Variants in SAP130 observed in about 807,000 individuals in gnomAD.
The protein encoded by SAP130 is Sin3A associated protein 130, also known as histone deacetylase complex subunit SAP130.
A neutral mutation model predicts 103.2 loss-of-function variants in SAP130; 16 were observed. The ratio of observed to expected loss-of-function variants is 0.16; its 90% CI spans 0.10 to 0.24. SAP130 has a LOEUF of 0.24. SAP130 is among the 10% of genes least tolerant of loss of function. SAP130 has a pLI of 1.00. For missense variants in SAP130, 990 were observed against 1,359.7 expected, an observed-to-expected ratio of 0.73 and a Z score of 4.28; for synonymous variants, 477 against 497.0, an observed-to-expected ratio of 0.96 and a Z score of 0.53.
intron 15 of SAP130, among the ~76,000 whole-genome samples, chr2:127,957,332 GA>G (rs962749714): frequency 1.3e-5 from 2 of 151,286 alleles, no homozygotes; most frequent in African/African-American, 4.9e-5. Context: ...GCTGAAAGGG[GA>G]AAAAAAAGAA....
intron 1 of SAP130, chr2:128,026,983 G>A (rs1685545852): frequency 1.9e-6 from 2 of 1,069,476 alleles, no homozygotes; most frequent in Non-Finnish European, 2.5e-6. Context: ...TGAGACCGGA[G>A]GACGCCGGTT....
chr2:127,971,172 C>T lies in SAP130; in HGVS notation c.2063+6813G>A, dbSNP rs116741374. 5.4e-3 allele frequency among the ~76,000 whole-genome samples: 823 copies of T among 151,958 alleles called. 8 individuals are homozygous for T. Among genetic ancestry groups the T allele is most frequent in the African/African-American group, 0.019 (779 of 41,430 alleles). On this transcript the variant is annotated intron_variant, in intron 15 of 20. Coordinates refer to ENST00000643581, the MANE Select transcript of SAP130 (RefSeq NM_001330301.2). Reference sequence around the variant, plus strand: ...TTCGCCATATTGCCCAGGCTGATATCGAACCCCCGGGCTCCCCCCATCTGT... The same window carrying T: ...TTCGCCATATTGCCCAGGCTGATATTGAACCCCCGGGCTCCCCCCATCTGT...
intron 9 of SAP130, 63 bp from the exon 10 acceptor site, chr2:127,999,908 C>T: frequency 2.1e-6 from 3 of 1,449,688 alleles, no homozygotes; most frequent in South Asian, 2.6e-5. Context: ...TACAGATTCT[C>T]AAAAACCTGG....
At chr2:127,999,913 A>T in intron 9 of SAP130, 68 bp from the exon 10 acceptor site, 1 of 1,440,400 alleles carries the variant, frequency 6.9e-7, no homozygotes, top group Non-Finnish European at 9.5e-7. Context: ...ATTCTCAAAA[A>T]CCTGGGAAAT....
chr2:128,009,259 CAGG>C (rs1183982836), intron 7 of SAP130, among the ~76,000 whole-genome samples: 1 of 152,036 alleles, frequency 6.6e-6, no homozygotes, highest in Non-Finnish European at 1.5e-5. Flanking sequence ...CACTTGAGCC[CAGG>C]AGTTCACGAC....
intron 15 of SAP130, among the ~76,000 whole-genome samples, chr2:127,964,424 G>A (rs894070617): frequency 1.3e-5 from 2 of 149,846 alleles, no homozygotes; most frequent in Admixed American, 6.7e-5. Flanking sequence ...AATCCAGGAG[G>A]TGGAGTTTGC....
chr2:128,023,414 A>G (rs1225039996), intron 2 of SAP130, among the ~76,000 whole-genome samples: 3 of 152,186 alleles, frequency 2.0e-5, no homozygotes, highest in Non-Finnish European at 4.4e-5. Context: ...TGGTGCTGGG[A>G]TAACAGGCAT....
chr2:128,012,382 A>C (rs1032462292), intron 6 of SAP130, among the ~76,000 whole-genome samples: 4 of 152,108 alleles, frequency 2.6e-5, no homozygotes, highest in Non-Finnish European at 5.9e-5. Flanking sequence ...AGGCAGGAGA[A>C]TCGCTTGAAC....
chr2:127,981,862 C>T (rs535905990), intron 14 of SAP130, among the ~76,000 whole-genome samples: 7 of 152,174 alleles, frequency 4.6e-5, no homozygotes, highest in African/African-American at 1.4e-4. Context: ...TCCCCGACCC[C>T]GACCCAGTTC....
At chr2:127,952,788 A>G (rs1424581725) in intron 16 of SAP130, among the ~76,000 whole-genome samples, 1 of 152,082 alleles carries the variant, frequency 6.6e-6, no homozygotes, top group African/African-American at 2.4e-5. Context: ...ACTATAAGTG[A>G]TATTCCTACC....
chr2:127,958,803 T>TA (rs1680031455), intron 15 of SAP130, among the ~76,000 whole-genome samples: 1 of 152,060 alleles, frequency 6.6e-6, no homozygotes, highest in African/African-American at 2.4e-5. Flanking sequence ...GGACTAAAGG[T>TA]ATGTGCCACC....
chr2:127,981,511 T>C lies in SAP130; in HGVS notation c.1959-3422A>G, dbSNP rs58481482. Among the ~76,000 whole-genome samples, 152 of 23,572 alleles carry C rather than the reference T, an allele frequency of 6.4e-3. 1 individual carries two copies. The highest frequency in any genetic ancestry group is 6.9e-3 in the East Asian group (5 of 726). The allele number at this position is 23,572 out of a possible 152,430, so 15.5% of individuals were successfully genotyped here. A position where few individuals can be genotyped will look rare whatever the true frequency, so the allele number is the denominator to read the frequency against. On this transcript the variant is annotated intron_variant, in intron 14 of 20. Coordinates refer to ENST00000643581, the MANE Select transcript of SAP130 (RefSeq NM_001330301.2). ...GCTCCCTCACCCCGACCCAGTCCTC[T>C]TGCACCCCTGACTCAGTTCCCCCAC...
At chr2:127,998,102 C>T (rs1683296053) in intron 10 of SAP130, among the ~76,000 whole-genome samples, 1 of 145,094 alleles carries the variant, frequency 6.9e-6, no homozygotes, top group Non-Finnish European at 1.5e-5. Context: ...AGTGAGACTC[C>T]ATCTCAAAAA....
chr2:127,979,989 C>G (rs374497129), intron 14 of SAP130, among the ~76,000 whole-genome samples: 1 of 151,660 alleles, frequency 6.6e-6, no homozygotes, highest in South Asian at 2.1e-4. Flanking sequence ...GTGATTCTCC[C>G]GCCTCAGCCT....
At position 128,014,912 on chromosome 2, in the gene SAP130, G is replaced by A; in HGVS notation, c.510C>T (p.Gly170=). The change falls in exon 5 of 21, where the codon GGC becomes GGT. Residue 170 remains glycine, a splice_region_variant and synonymous_variant. Coordinates refer to ENST00000643581, the MANE Select transcript of SAP130 (RefSeq NM_001330301.2). Reference sequence around the variant, plus strand: ...TGATGTGATGCAGGTTACTGGGATGGCCCTGAAAGAAAGAGGATAGAACGT... The same window carrying A: ...TGATGTGATGCAGGTTACTGGGATGACCCTGAAAGAAAGAGGATAGAACGT... ...IPVATISGQQ[G]HPSNLHHIMT... The A allele has an allele frequency of 1.2e-6, 2 of 1,612,382 alleles. No individual in the cohort carries two copies. Among genetic ancestry groups the A allele is most frequent in the Non-Finnish European group, 1.7e-6 (2 of 1,178,438 alleles).
chr2:127,957,288 G>C (rs1329661064), intron 15 of SAP130, among the ~76,000 whole-genome samples: 1 of 152,146 alleles, frequency 6.6e-6, no homozygotes, highest in East Asian at 1.9e-4. Context: ...GGGCAACAGA[G>C]GGACTAGAAG....
At chr2:128,010,601 G>C (rs964923106) in intron 6 of SAP130, among the ~76,000 whole-genome samples, 1 of 152,150 alleles carries the variant, frequency 6.6e-6, no homozygotes, top group Admixed American at 6.5e-5. Context: ...GCTCACGCCT[G>C]TAATTCCCAG....
chr2:128,027,955 A>C lies in SAP130; in HGVS notation c.-22T>G. On this transcript the variant is annotated 5_prime_UTR_variant, in exon 1 of 21. Transcript: ENST00000643581. ...CCGCCATTACCTGGGTGCTGCGCCC[A>C]GTGGCCGCCGCGCCGCCTTGAGCTC... 1.0e-6 allele frequency: 1 copy of C among 982,952 alleles called. No individual in the cohort carries two copies. The highest frequency in any genetic ancestry group is 1.2e-6 in the Non-Finnish European group (1 of 829,652). 60.9% of individuals were successfully genotyped at this position (982,952 alleles called of 1,614,324 possible). A position where few individuals can be genotyped will look rare whatever the true frequency, so the allele number is the denominator to read the frequency against.
chr2:127,979,880 C>CTTT (rs754881410), intron 14 of SAP130, among the ~76,000 whole-genome samples: 1 of 139,234 alleles, frequency 7.2e-6, no homozygotes, highest in Non-Finnish European at 1.6e-5. Context: ...AAATTTTTTT[C>CTTT]TTTTTTTTTT....
Sources: gnomAD v4.1 joint callset for allele counts (sites outside exome capture counted in the v4.1 genomes callset) on GRCh38, gnomAD v4.1.1 for gene constraint, MANE v1.5 for transcripts, NCBI Gene and HGNC (gene_info 2026-07-23, HGNC 2026-07-21) for gene names.